DGKG: variants seen among roughly 807,000 people sequenced by gnomAD.
DGKG encodes the protein DAG kinase gamma.
A neutral mutation model predicts 105.3 loss-of-function variants in DGKG; 78 were observed. The observed-to-expected ratio is 0.74, with a 90% CI of 0.62 to 0.89. The LOEUF (loss-of-function observed/expected upper bound fraction) is 0.89, where lower values mean the gene tolerates loss of function less well. Ranked by LOEUF, DGKG falls within the 40% of genes least tolerant of loss-of-function variation. The probability of loss-of-function intolerance (pLI) is 0.00; values close to 1 mark genes in which losing one functional copy is unlikely to be tolerated. For synonymous variants in DGKG, 346 were observed against 367.1 expected, an observed-to-expected ratio of 0.94 and a Z score of 0.66; for missense variants, 958 against 1,020.1, an observed-to-expected ratio of 0.94 and a Z score of 0.83.
chr3:186,207,996 A>T (rs1718831453), intron 21 of DGKG, among the ~76,000 whole-genome samples: 1 of 152,184 alleles, frequency 6.6e-6, no homozygotes, highest in African/African-American at 2.4e-5. Flanking sequence ...CACTAGCCTC[A>T]GAGAAATCGC....
chr3:186,251,717 C>T (rs778882157), intron 19 of DGKG, 42 bp downstream of exon 19: 36 of 1,610,598 alleles, frequency 2.2e-5, no homozygotes, highest in South Asian at 6.6e-5. Flanking sequence ...CCTTCCTGGG[C>T]GTTTCCCTTC....
chr3:186,325,395 A>T (rs1016866754), intron 1 of DGKG, among the ~76,000 whole-genome samples: 2 of 152,230 alleles, frequency 1.3e-5, no homozygotes, highest in African/African-American at 4.8e-5. Context: ...CCTGAATAAT[A>T]GTTGAAATTT....
Position 186,272,269 on chromosome 3 carries a change from T to C in DGKG, c.985A>G (p.Lys329Glu). The C allele has an allele frequency of 6.2e-7, 1 of 1,613,710 alleles. No homozygotes were observed. Among genetic ancestry groups the C allele is most frequent in the Non-Finnish European group, 8.5e-7 (1 of 1,179,604 alleles). ...ATGTCACCAACCTCACCACTCCTTT[T>C]GGCTTTTGAGTACGTTTTGACACAA... ...PGCVKTYSKAKRSGEVMQHAW... is the reference protein window; with the variant it reads ...PGCVKTYSKAERSGEVMQHAW... Residue 329 changes from lysine to glutamate, a missense_variant, in exon 11 of 25, where the codon AAA (lysine) becomes GAA (glutamate). Lys to Glu is a moderately conservative substitution (Grantham distance 56). Coordinates refer to ENST00000265022, the MANE Select transcript of DGKG (RefSeq NM_001346.3).
chr3:186,304,828 G>A (rs1037404871), intron 3 of DGKG, among the ~76,000 whole-genome samples: 6 of 152,186 alleles, frequency 3.9e-5, no homozygotes, highest in African/African-American at 1.4e-4. Context: ...CTTGTTGATG[G>A]CAGAGGTAGA....
At chr3:186,177,812 A>C (rs187312219) in intron 22 of DGKG, among the ~76,000 whole-genome samples, 1 of 152,338 alleles carries the variant, frequency 6.6e-6, no homozygotes, top group Non-Finnish European at 1.5e-5. Flanking sequence ...TTTGTCCCAT[A>C]AGTAGGTATT....
intron 17 of DGKG, among the ~76,000 whole-genome samples, chr3:186,256,387 A>G (rs902532872): frequency 4.6e-5 from 7 of 152,046 alleles, no homozygotes; most frequent in African/African-American, 1.7e-4. Context: ...TCTCCCACAT[A>G]CAGTCTGTCA....
intron 20 of DGKG, among the ~76,000 whole-genome samples, chr3:186,233,628 C>T (rs1270206301): frequency 3.9e-5 from 6 of 152,102 alleles, no homozygotes; most frequent in East Asian, 1.9e-4. Flanking sequence ...TACAGGCGCC[C>T]ACCACCACGC....
chr3:186,161,080 G>A lies in DGKG; in HGVS notation c.2277+523C>T. 8.1e-6 allele frequency: 8 copies of A among 987,082 alleles called. No individual in the cohort carries two copies. The South Asian group carries it at 3.7e-4, about 46-fold the overall frequency. 61.1% of individuals were successfully genotyped at this position (987,082 alleles called of 1,614,324 possible). ...AGTGGAATTTTCAAGTAGGTTATCA[G>A]GGCTTTGGGTGCACCGACTGGGAGG... On this transcript the variant is annotated intron_variant, in intron 24 of 24. Coordinates refer to ENST00000265022, the MANE Select transcript of DGKG (RefSeq NM_001346.3).
chr3:186,275,622 A>G lies in DGKG; in HGVS notation c.835T>C (p.Phe279Leu). ...DGRHAWTMKHFKKPTYCNFCH... is the reference protein window; with the variant it reads ...DGRHAWTMKHLKKPTYCNFCH... ...AAGTTGCAGTAGGTTGGTTTCTTGA[A>G]GTGCTTCATGGTCCAGGCGTGCCGC... The change falls in exon 10 of 25, where the codon TTC becomes CTC. Residue 279 changes from phenylalanine (F) to leucine (L), a missense_variant. Coordinates refer to ENST00000265022, the MANE Select transcript of DGKG (RefSeq NM_001346.3). 6.2e-7 allele frequency: 1 copy of G among 1,614,230 alleles called. No individual in the cohort carries two copies. Among genetic ancestry groups the G allele is most frequent in the Non-Finnish European group, 8.5e-7 (1 of 1,180,048 alleles).
At chr3:186,245,913 AACAAAAAAACAAC>A (rs2108556343) in intron 19 of DGKG, among the ~76,000 whole-genome samples, 1 of 148,908 alleles carries the variant, frequency 6.7e-6, no homozygotes, top group African/African-American at 2.6e-5. Flanking sequence ...AAAACAAACA[AACAAAAAAACAAC>A]AACAACAAAA....
rs545781900 is a variant in DGKG at position 186,244,545 on chromosome 3, C to G, written c.1762-1977G>C. Among the ~76,000 whole-genome samples the G allele has an allele frequency of 2.0e-5, 3 of 151,960 alleles. No homozygotes were observed. The East Asian group carries it at 5.8e-4, about 30-fold the overall frequency. On this transcript the variant is annotated intron_variant, in intron 19 of 24. Transcript: ENST00000265022. ...TCAGCCTCATGAGTAGCTGGGATTA[C>G]AGGCATCCGCCACCATGTCGGGCTA...
intron 20 of DGKG, among the ~76,000 whole-genome samples, chr3:186,234,904 G>A (rs573696471): frequency 6.6e-6 from 1 of 152,144 alleles, no homozygotes; most frequent in Non-Finnish European, 1.5e-5. Context: ...CAAAATCTTT[G>A]ATCATCCACC....
At chr3:186,185,954 C>T (rs1181979890) in intron 22 of DGKG, among the ~76,000 whole-genome samples, 3 of 151,664 alleles carry the variant, frequency 2.0e-5, no homozygotes, top group South Asian at 2.1e-4. Context: ...AAAAAGTAGC[C>T]GGGCGTGATG....
At chr3:186,283,935 T>C (rs537805670) in intron 7 of DGKG, among the ~76,000 whole-genome samples, 1 of 152,300 alleles carries the variant, frequency 6.6e-6, no homozygotes, top group South Asian at 2.1e-4. Flanking sequence ...GGCCTTCCTG[T>C]TAATGAGCCC....
At chr3:186,187,619 T>C (rs1560086283) in intron 22 of DGKG, among the ~76,000 whole-genome samples, 1 of 152,092 alleles carries the variant, frequency 6.6e-6, no homozygotes, top group Non-Finnish European at 1.5e-5. Context: ...GGAGGCATCA[T>C]GAGTAAGCAC....
chr3:186,197,378 G>A (rs1718232131), intron 21 of DGKG, among the ~76,000 whole-genome samples: 1 of 152,082 alleles, frequency 6.6e-6, no homozygotes, highest in Non-Finnish European at 1.5e-5. Flanking sequence ...GACCCTAAAA[G>A]GCAGAGGGGT....
At chr3:186,308,927 T>G (rs1465747049) in intron 2 of DGKG, among the ~76,000 whole-genome samples, 1 of 152,198 alleles carries the variant, frequency 6.6e-6, no homozygotes, top group Non-Finnish European at 1.5e-5. Context: ...TTTTCTTCAG[T>G]TTACAGATGA....
rs192725340 is a variant in DGKG at position 186,231,704 on chromosome 3, A to T, written c.1826+10800T>A. Among the ~76,000 whole-genome samples, 82 of 152,290 alleles carry T rather than the reference A, an allele frequency of 5.4e-4. 1 individual carries two copies. The highest frequency in any genetic ancestry group is 1.9e-3 in the African/African-American group (79 of 41,566). On this transcript the variant is annotated intron_variant, in intron 20 of 24. Coordinates refer to ENST00000265022, the MANE Select transcript of DGKG (RefSeq NM_001346.3). This position sits in a 1 kb window ranked among gnomAD's most constrained non-coding sequence, Gnocchi z 4.5. ...GAAGCCTAGGTGGTTGGATCAACTG[A>T]GGTCAGGAGTTTGAGACCAGCCTGG...
chr3:186,349,057 G>A (rs1056009189), intron 1 of DGKG, among the ~76,000 whole-genome samples: 1 of 151,382 alleles, frequency 6.6e-6, no homozygotes, highest in Admixed American at 6.6e-5. Context: ...AGGTACACAT[G>A]TGTCACGGTA....
Sources: gnomAD v4.1 joint callset for allele counts (sites outside exome capture counted in the v4.1 genomes callset) on GRCh38, gnomAD v4.1.1 for gene constraint, Gnocchi (gnomAD v3.1) non-coding constraint, MANE v1.5 for transcripts, NCBI Gene and HGNC (gene_info 2026-07-23, HGNC 2026-07-21) for gene names.